Variants in LINGO2 observed in about 807,000 individuals in gnomAD.
The protein encoded by LINGO2 is leucine-rich repeat and immunoglobulin-like domain-containing nogo receptor-interacting protein 2.
Under a neutral mutation model 30.6 loss-of-function variants are expected in LINGO2, and 14 were observed. The ratio of observed to expected loss-of-function variants is 0.46; its 90% CI spans 0.30 to 0.72. The LOEUF is 0.72. Among genes scored for constraint, LINGO2 ranks in the 30% least tolerant of loss-of-function variants. The pLI, the probability that LINGO2 is intolerant of heterozygous loss-of-function variation, is 0.07. For synonymous variants in LINGO2, 317 were observed against 288.5 expected, an observed-to-expected ratio of 1.10 and a Z score of -1.00; for missense variants, 729 against 751.7, an observed-to-expected ratio of 0.97 and a Z score of 0.35.
At chr9:28,960,840 CAAGTA>C in the LINGO2 span, among the ~76,000 whole-genome samples, 63 of 150,456 alleles carry the variant, frequency 4.2e-4, no homozygotes, top group African/African-American at 1.4e-3. Flanking sequence ...TGAAAAAAAT[CAAGTA>C]AATTTATTAA....
At chr9:29,028,059 T>C in the LINGO2 span, among the ~76,000 whole-genome samples, 3 of 152,110 alleles carry the variant, frequency 2.0e-5, no homozygotes, top group African/African-American at 7.2e-5. Flanking sequence ...GTATGACCTG[T>C]ATTCCTGGAC....
At chr9:28,213,067 A>G (rs1004489420) in intron 4 of LINGO2, among the ~76,000 whole-genome samples, 3 of 151,574 alleles carry the variant, frequency 2.0e-5, no homozygotes, top group Non-Finnish European at 4.4e-5. Context: ...AACTGTATGC[A>G]AAGTTTTGCC....
the LINGO2 span, among the ~76,000 whole-genome samples, chr9:28,743,278 G>A: frequency 2.6e-5 from 4 of 151,874 alleles, no homozygotes; most frequent in Admixed American, 6.6e-5. Context: ...GTGGTTTGCT[G>A]CACCCATCAA....
At chr9:28,778,117 A>G in the LINGO2 span, among the ~76,000 whole-genome samples, 1 of 152,294 alleles carries the variant, frequency 6.6e-6, no homozygotes, top group South Asian at 2.1e-4. Flanking sequence ...GGTTGACTAT[A>G]ACTCCACACT....
rs376536829 is a variant in LINGO2, at chr9:28,384,132, C to A, written c.-278-11264G>T. 4.0e-5 allele frequency among the ~76,000 whole-genome samples: 6 copies of A among 151,598 alleles called. No homozygotes were observed. In the South Asian group the frequency reaches 1.0e-3, roughly 26 times the overall value. On this transcript the variant is annotated intron_variant, in intron 2 of 5. Coordinates refer to ENST00000379992, the Ensembl canonical transcript of LINGO2. ...TATCATAATAGTTATTTATTTTAGACAATTTGAAAATTGCATTTAGACAAT... is the reference window on the plus strand; with the variant it reads ...TATCATAATAGTTATTTATTTTAGAAAATTTGAAAATTGCATTTAGACAAT...
the LINGO2 span, among the ~76,000 whole-genome samples, chr9:29,094,429 A>C: frequency 1.4e-5 from 2 of 139,392 alleles, 1 homozygote; most frequent in East Asian, 4.9e-4. Context: ...AAAATGTAAT[A>C]TTGGAAATAA....
chr9:28,539,173 C>T (rs1473887298), intron 1 of LINGO2, among the ~76,000 whole-genome samples: 1 of 151,856 alleles, frequency 6.6e-6, no homozygotes, highest in Non-Finnish European at 1.5e-5. Context: ...AAAGGTTATG[C>T]AGCCATATTA....
the LINGO2 span, among the ~76,000 whole-genome samples, chr9:28,717,552 T>C: frequency 6.6e-6 from 1 of 151,978 alleles, no homozygotes; most frequent in East Asian, 1.9e-4. Flanking sequence ...CTCTCTTTTC[T>C]CTCCCACACA....
At chr9:28,362,708 A>G (rs981400593) in intron 3 of LINGO2, among the ~76,000 whole-genome samples, 7 of 152,060 alleles carry the variant, frequency 4.6e-5, no homozygotes, top group African/African-American at 1.2e-4. Flanking sequence ...AACCTCAGGT[A>G]ATCCGCCTGC....
At chr9:28,993,543 G>A in the LINGO2 span, among the ~76,000 whole-genome samples, 1 of 151,632 alleles carries the variant, frequency 6.6e-6, no homozygotes, top group African/African-American at 2.4e-5. Context: ...TGATACCAAA[G>A]CCGGGCAGAG....
chr9:29,176,599 G>C, the LINGO2 span, among the ~76,000 whole-genome samples: 1 of 152,150 alleles, frequency 6.6e-6, no homozygotes, highest in South Asian at 2.1e-4. Context: ...TTATAGTTGT[G>C]CTCACAGGAA....
intron 5 of LINGO2, among the ~76,000 whole-genome samples, chr9:28,003,416 T>A (rs1822082806): frequency 6.6e-6 from 1 of 151,856 alleles, no homozygotes; most frequent in Non-Finnish European, 1.5e-5. Flanking sequence ...GAGTTCACAT[T>A]TATTTCAGTG....
chr9:27,997,260 C>T (rs562152199), intron 5 of LINGO2, among the ~76,000 whole-genome samples: 1 of 152,316 alleles, frequency 6.6e-6, no homozygotes, highest in South Asian at 2.1e-4. Context: ...ATGTGAAAGA[C>T]TTAAGATGTG....
At chr9:28,451,310 G>C (rs1587692969) in intron 2 of LINGO2, among the ~76,000 whole-genome samples, 1 of 151,902 alleles carries the variant, frequency 6.6e-6, no homozygotes, top group East Asian at 1.9e-4. Context: ...AGAAGGAAAA[G>C]AGAGAAGAGA....
chr9:29,111,869 G>GTGTGTATATATACATATATTTATATATT, the LINGO2 span, among the ~76,000 whole-genome samples: 1 of 150,154 alleles, frequency 6.7e-6, no homozygotes. Context: ...ATGTATATAT[G>GTGTGTATATATACATATATTTATATATT]TGTGTATATA....
intron 4 of LINGO2, among the ~76,000 whole-genome samples, chr9:28,202,220 G>A (rs1279992426): frequency 6.6e-6 from 1 of 152,108 alleles, no homozygotes; most frequent in Non-Finnish European, 1.5e-5. Context: ...TCTAAGGAAA[G>A]TCACATTTTA....
chr9:28,795,246 C>T, the LINGO2 span, among the ~76,000 whole-genome samples: 6 of 152,128 alleles, frequency 3.9e-5, no homozygotes, highest in African/African-American at 1.4e-4. Context: ...GTAGTCTTAG[C>T]AAATACCGTG....
intron 1 of LINGO2, among the ~76,000 whole-genome samples, chr9:28,597,114 G>T (rs991562375): frequency 2.0e-5 from 3 of 152,160 alleles, no homozygotes; most frequent in Non-Finnish European, 4.4e-5. Flanking sequence ...TTACAGTAGA[G>T]AGGTTGACAT....
At chr9:28,400,443 C>T (rs570042110) in intron 2 of LINGO2, among the ~76,000 whole-genome samples, 9 of 152,102 alleles carry the variant, frequency 5.9e-5, no homozygotes, top group Non-Finnish European at 1.2e-4. Flanking sequence ...TCACGGAAAC[C>T]AGCAAACACT....
Sources: allele counts gnomAD v4.1 joint callset (sites outside exome capture counted in the v4.1 genomes callset), GRCh38; gene constraint gnomAD v4.1.1; transcripts MANE v1.5; gene names NCBI Gene and HGNC (gene_info 2026-07-23, HGNC 2026-07-21).